The following SMARCAL1 variants were observed in gnomAD, a reference collection of about 807,000 sequenced individuals.
SMARCAL1 encodes the protein ATP-driven annealing helicase.
A neutral mutation model predicts 94.5 loss-of-function variants in SMARCAL1; 58 were observed. That is an observed-to-expected ratio of 0.61 (90% CI 0.50 to 0.76). The LOEUF is 0.76. Ranked by LOEUF, SMARCAL1 falls within the 30% of genes least tolerant of loss-of-function variation. The probability of loss-of-function intolerance (pLI) is 0.00; values close to 1 mark genes in which losing one functional copy is unlikely to be tolerated. For synonymous variants in SMARCAL1, 422 were observed against 455.1 expected (o/e 0.93, Z 0.93); for missense variants, 1,051 against 1,177.9 (o/e 0.89, Z 1.58).
intron 12 of SMARCAL1, among the ~76,000 whole-genome samples, chr2:216,460,951 A>G (rs1237847717): frequency 1.3e-5 from 2 of 152,222 alleles, no homozygotes; most frequent in Admixed American, 1.3e-4. Flanking sequence ...TCTCAGTAGT[A>G]GATGAGATAA....
intron 6 of SMARCAL1, among the ~76,000 whole-genome samples, 197 bp from the exon 7 acceptor site, chr2:216,428,399 A>G (rs188382905): frequency 3.9e-5 from 6 of 152,284 alleles, no homozygotes; most frequent in Admixed American, 3.3e-4. Context: ...ATTTGCTTTC[A>G]TTTCCATGTA....
chr2:216,416,245 G>T lies in SMARCAL1; in HGVS notation c.812-12G>T. The T allele has an allele frequency of 6.2e-7, 1 of 1,612,984 alleles. No individual in the cohort carries two copies. The highest frequency in any genetic ancestry group is 8.5e-7 in the Non-Finnish European group (1 of 1,179,046). On this transcript the variant is annotated splice_polypyrimidine_tract_variant and intron_variant, in intron 3 of 17. Coordinates refer to ENST00000357276, the MANE Select transcript of SMARCAL1 (RefSeq NM_014140.4). ...AATTGTCAACAGTCATCAGTCCTCT[G>T]TTTTGTTTCAGATCCTGACACCAAG...
chr2:216,463,346 G>A (rs997177751), intron 12 of SMARCAL1, among the ~76,000 whole-genome samples: 3 of 152,164 alleles, frequency 2.0e-5, no homozygotes, highest in Non-Finnish European at 4.4e-5. Context: ...TAGGGGCTGG[G>A]AAGTTCAAGA....
rs909294272 is a variant in SMARCAL1 at position 216,420,418 on chromosome 2, C to G, written c.982C>G (p.Leu328Val). 6.2e-7 allele frequency: 1 copy of G among 1,614,198 alleles called. No homozygotes were observed. ...GGCCGGCCTTCCATCAGCTCCATCCCTTTCATTTGTCAAAGGGCGATGCAT... is the reference window on the plus strand; with the variant it reads ...GGCCGGCCTTCCATCAGCTCCATCCGTTTCATTTGTCAAAGGGCGATGCAT... ...GQAGLPSAPSLSFVKGRCMLI... is the reference protein window; with the variant it reads ...GQAGLPSAPSVSFVKGRCMLI... Residue 328 changes from leucine (L) to valine (V), a missense_variant, in exon 5 of 18, where the codon CTT (leucine) becomes GTT (valine). Leu to Val is a conservative substitution (Grantham distance 32, BLOSUM62 1). Around this residue, in one of 3 missense-constraint regions of SMARCAL1, gnomAD observed 398 missense variants for 395.2 expected, o/e 1.01. Transcript: ENST00000357276.
intron 13 of SMARCAL1, among the ~76,000 whole-genome samples, chr2:216,466,038 T>C (rs1371266118): frequency 6.6e-6 from 1 of 152,150 alleles, no homozygotes; most frequent in Non-Finnish European, 1.5e-5. Context: ...CTGGAAACTT[T>C]TCTCCCAGAA....
intron 10 of SMARCAL1, among the ~76,000 whole-genome samples, chr2:216,442,190 G>A (rs558645625): frequency 6.6e-6 from 1 of 152,190 alleles, no homozygotes; most frequent in South Asian, 2.1e-4. Flanking sequence ...CCTGAAGCAG[G>A]AGGATCACCC....
At chr2:216,470,936 A>C (rs1023749915) in intron 14 of SMARCAL1, among the ~76,000 whole-genome samples, 7 of 151,998 alleles carry the variant, frequency 4.6e-5, no homozygotes, top group African/African-American at 1.7e-4. Flanking sequence ...TCAGACATTA[A>C]ATATTAAAAT....
At chr2:216,417,902 A>G (rs1457095340) in intron 4 of SMARCAL1, among the ~76,000 whole-genome samples, 3 of 151,964 alleles carry the variant, frequency 2.0e-5, no homozygotes, top group African/African-American at 7.3e-5. Context: ...TTGCAGATTC[A>G]TTTAGGTTTT....
intron 12 of SMARCAL1, among the ~76,000 whole-genome samples, chr2:216,452,076 CTG>C (rs1694462111): frequency 6.6e-6 from 1 of 152,186 alleles, no homozygotes; most frequent in Admixed American, 6.5e-5. Context: ...AATTTTCAAG[CTG>C]TATTGAATTT....
At chr2:216,432,181 A>G (rs970335945) in intron 7 of SMARCAL1, among the ~76,000 whole-genome samples, 4 of 151,870 alleles carry the variant, frequency 2.6e-5, no homozygotes, top group Non-Finnish European at 4.4e-5. Flanking sequence ...GCCTGTAGAG[A>G]TGGGGTTTCA....
intron 12 of SMARCAL1, among the ~76,000 whole-genome samples, chr2:216,462,089 T>A (rs1694719229): frequency 6.6e-6 from 1 of 152,180 alleles, no homozygotes; most frequent in South Asian, 2.1e-4. Flanking sequence ...TGCTGCATCA[T>A]CCCCAAAAGG....
chr2:216,440,209 A>AGGTATTTT (rs1355214228), intron 10 of SMARCAL1, among the ~76,000 whole-genome samples: 3 of 152,216 alleles, frequency 2.0e-5, no homozygotes, highest in Non-Finnish European at 4.4e-5. Context: ...CAATAGGGTT[A>AGGTATTTT]GGTATTTTGG....
intron 10 of SMARCAL1, chr2:216,446,624 C>G: frequency 2.2e-6 from 1 of 458,900 alleles, no homozygotes; most frequent in South Asian, 1.6e-5. Flanking sequence ...TCTGTGTTCT[C>G]CAGGATACTA....
intron 11 of SMARCAL1, among the ~76,000 whole-genome samples, chr2:216,447,805 C>T (rs977596233): frequency 3.3e-5 from 5 of 152,196 alleles, no homozygotes; most frequent in Non-Finnish European, 7.3e-5. Flanking sequence ...AATGCTCTCC[C>T]AAAATGGCAG....
chr2:216,472,146 G>C (rs1191929110), intron 14 of SMARCAL1, among the ~76,000 whole-genome samples: 1 of 152,180 alleles, frequency 6.6e-6, no homozygotes, highest in African/African-American at 2.4e-5. Context: ...CCCGAGGTTA[G>C]GAATTCTAGA....
chr2:216,461,395 A>G (rs1694698745), intron 12 of SMARCAL1, among the ~76,000 whole-genome samples: 2 of 151,880 alleles, frequency 1.3e-5, no homozygotes, highest in African/African-American at 4.8e-5. Flanking sequence ...GCATATAAAT[A>G]TATATAAAAT....
intron 8 of SMARCAL1, among the ~76,000 whole-genome samples, chr2:216,435,014 A>G (rs890293373): frequency 6.6e-6 from 1 of 151,894 alleles, no homozygotes; most frequent in Non-Finnish European, 1.5e-5. Context: ...ATGCACCACC[A>G]TGCCCAGCTA....
intron 9 of SMARCAL1, among the ~76,000 whole-genome samples, chr2:216,437,911 T>C (rs1468652448): frequency 6.6e-6 from 1 of 152,224 alleles, no homozygotes; most frequent in East Asian, 1.9e-4. Flanking sequence ...TCTCTCAGTT[T>C]CCCCAGCACT....
chr2:216,474,430 G>A (rs1695028295), intron 14 of SMARCAL1, among the ~76,000 whole-genome samples: 1 of 141,680 alleles, frequency 7.1e-6, no homozygotes, highest in Admixed American at 7.0e-5. Flanking sequence ...ATGAGCCACT[G>A]TGCCTGGCCT....
Sources: allele counts gnomAD v4.1 joint callset (sites outside exome capture counted in the v4.1 genomes callset), GRCh38; gene constraint gnomAD v4.1.1; regional missense constraint gnomAD v4.1.1; transcripts MANE v1.5; gene names NCBI Gene and HGNC (gene_info 2026-07-23, HGNC 2026-07-21).